Variants in CRLF2 observed in about 807,000 individuals in gnomAD.
CRLF2 encodes cytokine receptor like factor 2.
CRLF2 carries 41 observed loss-of-function variants against 38.7 expected under a neutral mutation model. That is an observed-to-expected ratio of 1.06 (90% CI 0.83 to 1.37). CRLF2 has a LOEUF of 1.37. Among genes scored for constraint, CRLF2 ranks in the 40% most tolerant of loss-of-function variants. The pLI, the probability that CRLF2 is intolerant of heterozygous loss-of-function variation, is 0.00. For synonymous variants in CRLF2, 140 were observed against 128.8 expected (o/e 1.09, Z -0.59); for missense variants, 377 against 322.2 (o/e 1.17, Z -1.30).
At chrX:1,210,382 C>T (rs1268226866) in intron 1 of CRLF2, among the ~76,000 whole-genome samples, 20 of 152,202 alleles carry the variant, frequency 1.3e-4, no homozygotes, top group Middle Eastern at 6.8e-3. Flanking sequence ...GGTGCGATCC[C>T]GGCTCACTGC....
chrX:1,198,292 C>G (rs1430340153), intron 5 of CRLF2, among the ~76,000 whole-genome samples: 26 of 141,158 alleles, frequency 1.8e-4, no homozygotes, highest in Non-Finnish European at 3.1e-4. Context: ...AGGCAGGACA[C>G]CCTCCCTCCC....
intron 7 of CRLF2, among the ~76,000 whole-genome samples, chrX:1,192,691 CTT>C (rs1371518156): frequency 1.5e-5 from 2 of 132,588 alleles, no homozygotes; most frequent in East Asian, 2.2e-4. Context: ...TTTTCTCTTT[CTT>C]TTTCTTTTCT....
chrX:1,195,044 T>C lies in CRLF2; in HGVS notation c.767+1736A>G, dbSNP rs1300411377. ...GAGACTCAGTCTCAAAATAAATACA[T>C]AAATAAATATATAAGAAAATGACTC... On this transcript the variant is annotated intron_variant, in intron 6 of 7. Coordinates refer to ENST00000400841, the MANE Select transcript of CRLF2 (RefSeq NM_022148.4). Among the ~76,000 whole-genome samples the C allele has an allele frequency of 2.0e-3, 263 of 133,578 alleles. 1 individual carries two copies. Among genetic ancestry groups the C allele is most frequent in the African/African-American group, 7.3e-3 (254 of 35,004 alleles). The allele number at this position is 133,578 out of a possible 152,430, so 87.6% of individuals were successfully genotyped here. A position where few individuals can be genotyped will look rare whatever the true frequency, so the allele number is the denominator to read the frequency against.
At chrX:1,191,212 G>A (rs1463070669) in intron 7 of CRLF2, 52 bp from the exon 8 acceptor site, 8 of 398,650 alleles carry the variant, frequency 2.0e-5, no homozygotes, top group South Asian at 1.3e-4. Context: ...CACACACAGC[G>A]TCCTGAGCAT....
intron 3 of CRLF2, among the ~76,000 whole-genome samples, chrX:1,204,934 C>T (rs2086666382): frequency 6.6e-6 from 1 of 152,166 alleles, no homozygotes; most frequent in Non-Finnish European, 1.5e-5. Context: ...ATTTCCCTGC[C>T]TCAGCCTCCC....
chrX:1,192,221 C>CCA (rs1556416167), intron 7 of CRLF2, among the ~76,000 whole-genome samples: 1 of 123,524 alleles, frequency 8.1e-6, no homozygotes, highest in East Asian at 2.5e-4. Flanking sequence ...AAAAAAAAAA[C>CCA]AAAAAAAACC....
intron 1 of CRLF2, among the ~76,000 whole-genome samples, 169 bp from the exon 2 acceptor site, chrX:1,209,077 C>T (rs1489610906): frequency 6.6e-6 from 1 of 151,714 alleles, no homozygotes; most frequent in Non-Finnish European, 1.5e-5. Context: ...AAGCGATTCC[C>T]CTGCCTCAGC....
chrX:1,198,782 C>CAA, intron 4 of CRLF2, 58 bp from the exon 5 acceptor site: 4 of 1,302,668 alleles, frequency 3.1e-6, no homozygotes, highest in African/African-American at 3.0e-5. Context: ...CACACACACA[C>CAA]AATGATTAGT....
chrX:1,198,953 A>T, intron 4 of CRLF2: 2 of 574,836 alleles, frequency 3.5e-6, no homozygotes, highest in Non-Finnish European at 6.3e-6. Context: ...GTTCGAGACC[A>T]GCCTGGCCAA....
At chrX:1,192,089 C>T in intron 7 of CRLF2, among the ~76,000 whole-genome samples, 1 of 148,234 alleles carries the variant, frequency 6.7e-6, no homozygotes, top group Non-Finnish European at 1.5e-5. Context: ...CCTGTAGTCC[C>T]AGCTACTTGG....
chrX:1,209,749 C>T (rs1262258543), intron 1 of CRLF2, among the ~76,000 whole-genome samples: 22 of 152,184 alleles, frequency 1.4e-4, no homozygotes, highest in Non-Finnish European at 2.5e-4. Flanking sequence ...AAGGTGGCAT[C>T]GGAAACTGTC....
intron 7 of CRLF2, among the ~76,000 whole-genome samples, 193 bp from the exon 8 acceptor site, chrX:1,191,353 C>T (rs2086376109): frequency 2.8e-5 from 3 of 106,366 alleles, no homozygotes; most frequent in Non-Finnish European, 4.1e-5. Flanking sequence ...TTCCTTCTTT[C>T]TTTCTTTCCT....
intron 3 of CRLF2, 137 bp from the exon 4 acceptor site, chrX:1,202,672 T>C: frequency 1.0e-6 from 1 of 1,000,078 alleles, no homozygotes; most frequent in Admixed American, 2.0e-5. Context: ...CCCGTCCTCA[T>C]TACTTTTATA....
At chrX:1,211,812 GATGGATGGATGGATAA>G in intron 1 of CRLF2, among the ~76,000 whole-genome samples, 1 of 84,332 alleles carries the variant, frequency 1.2e-5, no homozygotes, top group African/African-American at 6.9e-5. Context: ...TGGGTGGATG[GATGGATGGATGGATAA>G]GTGGATAAAA....
At chrX:1,200,033 ATG>A (rs1281464466) in intron 4 of CRLF2, among the ~76,000 whole-genome samples, 7 of 141,710 alleles carry the variant, frequency 4.9e-5, no homozygotes, top group African/African-American at 1.3e-4. Flanking sequence ...CTCTGTATAT[ATG>A]TGTGTGTATA....
At chrX:1,194,555 C>A (rs1189884223) in intron 6 of CRLF2, among the ~76,000 whole-genome samples, 7 of 152,224 alleles carry the variant, frequency 4.6e-5, no homozygotes, top group Admixed American at 1.3e-4. Flanking sequence ...GTGATTATTT[C>A]CACCTTGTCG....
In CRLF2 at chrX:1,197,587, G is replaced by A. The variant is rs181101893; in HGVS notation, c.647-687C>T. Among the ~76,000 whole-genome samples, 76 of 152,072 alleles carry A rather than the reference G, an allele frequency of 5.0e-4. 2 individuals are homozygous for A. In the East Asian group the frequency reaches 0.013, roughly 26 times the overall value. On this transcript the variant is annotated intron_variant, in intron 5 of 7. Transcript: ENST00000400841. The stretch of plus-strand genomic sequence containing the variant: ...TCCCAGCACTTTGGGAGGCCGAGGC[G>A]GGCGGATCACAAGGTCAGGAGTTCG...
Position 1,196,587 on chromosome X carries a change from C to G in CRLF2, c.767+193G>C, listed in dbSNP as rs779686088. ...CTGCCTGCCTTGGTCTCCCCAAGTG[C>G]TGGGATGACAGGTGTGAGCCACCAT... On this transcript the variant is annotated intron_variant, in intron 6 of 7. Coordinates refer to ENST00000400841, the MANE Select transcript of CRLF2 (RefSeq NM_022148.4). 2.0e-5 allele frequency among the ~76,000 whole-genome samples: 3 copies of G among 152,108 alleles called. No homozygotes were observed. The East Asian group carries it at 5.8e-4, about 29-fold the overall frequency.
chrX:1,202,366 GC>G, intron 4 of CRLF2, 35 bp downstream of exon 4: 1 of 1,611,730 alleles, frequency 6.2e-7, no homozygotes, highest in African/African-American at 1.3e-5. Flanking sequence ...GGGACGCTCA[GC>G]CACCATCGCC....
Sources: allele counts gnomAD v4.1 joint callset (sites outside exome capture counted in the v4.1 genomes callset), GRCh38; gene constraint gnomAD v4.1.1; transcripts MANE v1.5; gene names NCBI Gene and HGNC (gene_info 2026-07-23, HGNC 2026-07-21).